Variants in FAT4 observed in about 807,000 individuals in gnomAD.
FAT4 encodes the protein FAT atypical cadherin 4, also known as protocadherin Fat 4.
A neutral mutation model predicts 303.9 loss-of-function variants in FAT4; 84 were observed. The ratio of observed to expected loss-of-function variants is 0.28; its 90% CI spans 0.23 to 0.33. The LOEUF (loss-of-function observed/expected upper bound fraction) is 0.33, where lower values mean the gene tolerates loss of function less well. Among genes scored for constraint, FAT4 ranks in the 10% least tolerant of loss-of-function variants. FAT4 has a pLI of 1.00. For missense variants in FAT4, 6,005 were observed against 6,146.8 expected, an observed-to-expected ratio of 0.98 and a Z score of 0.77; for synonymous variants, 2,307 against 2,298.8, an observed-to-expected ratio of 1.00 and a Z score of -0.10.
Position 125,487,427 on chromosome 4 carries a change from C to T in FAT4, c.12905C>T (p.Ala4302Val), listed in dbSNP as rs1209319309. The T allele has an allele frequency of 1.9e-6, 3 of 1,614,014 alleles. No individual in the cohort carries two copies. The East Asian group carries it at 6.7e-5, about 36-fold the overall frequency. The change falls in exon 17 of 18, where the codon GCA becomes GTA. Residue 4302 changes from alanine (A) to valine (V), a missense_variant. Physicochemically the swap from Ala to Val is moderately conservative, Grantham distance 64 (BLOSUM62 0). Transcript: ENST00000394329. ...AGAAATATTCCTGAAGTATATGTTGCAGACGGCCACTGGCACACTTTTCTA... is the reference window on the plus strand; with the variant it reads ...AGAAATATTCCTGAAGTATATGTTGTAGACGGCCACTGGCACACTTTTCTA... ...VERNIPEVYV[A>V]DGHWHTFLIG...
At chr4:125,486,132 G>A (rs1727401685) in intron 16 of FAT4, among the ~76,000 whole-genome samples, 1 of 146,586 alleles carries the variant, frequency 6.8e-6, no homozygotes, top group Non-Finnish European at 1.5e-5. Context: ...AGAGCTGGGA[G>A]AAGGCTTTTC....
chr4:125,319,877 A>G lies in FAT4; in HGVS notation c.3466A>G (p.Thr1156Ala), dbSNP rs372642535. Residue 1156 changes from threonine (T) to alanine (A), a missense_variant, in exon 2 of 18, where the codon ACA becomes GCA. Thr to Ala is a moderately conservative substitution (Grantham distance 58, BLOSUM62 0). Transcript: ENST00000394329. ...FELHAISGEITNTHQFDRESL... is the reference protein window; with the variant it reads ...FELHAISGEIANTHQFDRESL... ...GTTGCATGCCATCAGTGGGGAAATT[A>G]CAAATACTCATCAGTTTGACAGGGA... 15 of 1,614,198 alleles carry G rather than the reference A, an allele frequency of 9.3e-6. No individual in the cohort carries two copies. In the African/African-American group the frequency reaches 1.7e-4, roughly 19 times the overall value.
At position 125,448,633 on chromosome 4, in the gene FAT4, T is replaced by C. The variant is rs1299892102; in HGVS notation, c.7623T>C (p.His2541=). 2 of 1,613,932 alleles carry C rather than the reference T, an allele frequency of 1.2e-6. No individual in the cohort carries two copies. Among genetic ancestry groups the C allele is most frequent in the African/African-American group, 2.7e-5 (2 of 75,010 alleles). Residue 2541 remains histidine, a synonymous_variant, in exon 10 of 18, where the codon CAT becomes CAC. Transcript: ENST00000394329. ...NGASEVTFSV[H]VKDGGSFPKT... ...CTTCAGAAGTGACATTTTCTGTGCATGTAAAAGATGGTGGCTCATTTCCAA... is the reference window on the plus strand; with the variant it reads ...CTTCAGAAGTGACATTTTCTGTGCACGTAAAAGATGGTGGCTCATTTCCAA...
intron 3 of FAT4, among the ~76,000 whole-genome samples, chr4:125,405,789 A>C (rs1263805327): frequency 2.0e-5 from 3 of 152,150 alleles, no homozygotes; most frequent in Non-Finnish European, 4.4e-5. Flanking sequence ...GGTGTGAGCC[A>C]CCACGCCTGG....
chr4:125,466,094 T>A (rs960539010), intron 11 of FAT4, among the ~76,000 whole-genome samples: 3 of 152,162 alleles, frequency 2.0e-5, no homozygotes, highest in Admixed American at 6.5e-5. Context: ...GATTGGCTAT[T>A]TGGATTTCAA....
At chr4:125,433,868 A>G (rs1351551979) in intron 7 of FAT4, among the ~76,000 whole-genome samples, 1 of 152,168 alleles carries the variant, frequency 6.6e-6, no homozygotes, top group African/African-American at 2.4e-5. Flanking sequence ...CAGCTCTTCC[A>G]TGCCTGTGGG....
intron 7 of FAT4, among the ~76,000 whole-genome samples, chr4:125,427,722 A>G (rs1725132164): frequency 6.6e-6 from 1 of 152,208 alleles, no homozygotes; most frequent in Non-Finnish European, 1.5e-5. Context: ...CTTTATTACA[A>G]CAAACACACC....
intron 2 of FAT4, among the ~76,000 whole-genome samples, chr4:125,354,024 T>C (rs1030786197): frequency 1.3e-5 from 2 of 151,734 alleles, no homozygotes; most frequent in African/African-American, 2.4e-5. Context: ...GTGTAATTCA[T>C]AGAATAAAAC....
intron 4 of FAT4, among the ~76,000 whole-genome samples, chr4:125,407,550 A>C (rs1221675999): frequency 2.0e-5 from 3 of 152,110 alleles, no homozygotes; most frequent in Non-Finnish European, 4.4e-5. Context: ...ACGGCAAGTT[A>C]ATTCATTTCT....
At position 125,448,989 on chromosome 4, in the gene FAT4, C is replaced by T. The variant is rs761286125; in HGVS notation, c.7979C>T (p.Thr2660Ile). The stretch of plus-strand genomic sequence containing the variant: ...TCCTCTTACGAGAAACTTGATATAA[C>T]AGTATTAGATGTCAATGATAATGCC... ...PFSSYEKLDITVLDVNDNAPI... is the reference protein window; with the variant it reads ...PFSSYEKLDIIVLDVNDNAPI... Residue 2660 changes from threonine to isoleucine, a missense_variant, in exon 10 of 18, where the codon ACA becomes ATA. Transcript: ENST00000394329. The T allele has an allele frequency of 6.2e-7, 1 of 1,613,816 alleles. No homozygotes were observed. The highest frequency in any genetic ancestry group is 1.7e-5 in the Admixed American group (1 of 59,980).
Position 125,321,663 on chromosome 4 carries a change from A to G in FAT4, c.5175+77A>G, listed in dbSNP as rs1009682135. 4 of 1,360,686 alleles carry G rather than the reference A, an allele frequency of 2.9e-6. No individual in the cohort carries two copies. The East Asian group carries it at 9.6e-5, about 33-fold the overall frequency. 84.3% of individuals were successfully genotyped at this position (1,360,686 alleles called of 1,614,324 possible). A position where few individuals can be genotyped will look rare whatever the true frequency, so the allele number is the denominator to read the frequency against. ...CATTCTCTTTATATTTACTCTCTAT[A>G]ATTGTTTACCTTCATTGTTTATTGT... is the stretch of plus-strand genomic sequence containing the variant. On this transcript the variant is annotated intron_variant, in intron 2 of 17. Coordinates refer to ENST00000394329, the MANE Select transcript of FAT4 (RefSeq NM_001291303.3).
At chr4:125,434,060 C>T (rs934191415) in intron 7 of FAT4, among the ~76,000 whole-genome samples, 185 bp from the exon 8 acceptor site, 2 of 152,166 alleles carry the variant, frequency 1.3e-5, no homozygotes, top group Admixed American at 6.6e-5. Context: ...AGTTGAAATT[C>T]TAGTTCACAA....
At chr4:125,478,897 C>G (rs185563767) in intron 14 of FAT4, among the ~76,000 whole-genome samples, 17 of 152,154 alleles carry the variant, frequency 1.1e-4, no homozygotes, top group African/African-American at 3.1e-4. Context: ...AATAGCTTCC[C>G]ATCTCACCCA....
intron 2 of FAT4, among the ~76,000 whole-genome samples, chr4:125,376,765 G>A (rs901682958): frequency 3.3e-5 from 5 of 152,024 alleles, no homozygotes; most frequent in Non-Finnish European, 5.9e-5. Context: ...GGGGCGTGGT[G>A]GCGCATGCCT....
At position 125,316,785 on chromosome 4, in the gene FAT4, T is replaced by G; in HGVS notation, c.374T>G (p.Val125Gly). The G allele has an allele frequency of 6.2e-7, 1 of 1,613,978 alleles. No homozygotes were observed. The highest frequency in any genetic ancestry group is 8.5e-7 in the Non-Finnish European group (1 of 1,179,996). ...PTYPTEVRVL[V>G]RDLNDNAPVF... The stretch of plus-strand genomic sequence containing the variant: ...TACCCCACCGAAGTGCGAGTGCTGG[T>G]GCGGGACCTCAATGACAACGCCCCC... Residue 125 changes from valine (V) to glycine (G), a missense_variant, in exon 2 of 18, where the codon GTG (valine) becomes GGG (glycine). Transcript: ENST00000394329. This position sits in a 1 kb window ranked among gnomAD's most constrained non-coding sequence, Gnocchi z 5.7.
At chr4:125,391,814 T>C (rs1362098777) in intron 2 of FAT4, among the ~76,000 whole-genome samples, 1 of 152,182 alleles carries the variant, frequency 6.6e-6, no homozygotes, top group Admixed American at 6.6e-5. Flanking sequence ...ATCATTGTAA[T>C]AGTGGATAAC....
chr4:125,488,321 G>A (rs1727484129), intron 17 of FAT4, among the ~76,000 whole-genome samples: 1 of 152,138 alleles, frequency 6.6e-6, no homozygotes, highest in Non-Finnish European at 1.5e-5. Flanking sequence ...TATTTACAGA[G>A]CAATGGGAAG....
chr4:125,329,673 C>T (rs1340718641), intron 2 of FAT4, among the ~76,000 whole-genome samples: 6 of 152,232 alleles, frequency 3.9e-5, no homozygotes, highest in Admixed American at 6.5e-5. Context: ...ACCCTACATT[C>T]GTATAACCAA....
chr4:125,425,214 A>G (rs1036141468), intron 7 of FAT4, among the ~76,000 whole-genome samples: 2 of 152,192 alleles, frequency 1.3e-5, no homozygotes, highest in Non-Finnish European at 2.9e-5. Context: ...AGGGACTAGT[A>G]TCTCAATTTT....
Sources: gnomAD v4.1 joint callset for allele counts (sites outside exome capture counted in the v4.1 genomes callset) on GRCh38, gnomAD v4.1.1 for gene constraint, Gnocchi (gnomAD v3.1) non-coding constraint, MANE v1.5 for transcripts, NCBI Gene and HGNC (gene_info 2026-07-23, HGNC 2026-07-21) for gene names.